PRKCA: variants seen among roughly 807,000 people sequenced by gnomAD.
PRKCA encodes protein kinase C alpha.
A neutral mutation model predicts 87.0 loss-of-function variants in PRKCA; 27 were observed. The observed-to-expected ratio is 0.31, with a 90% CI of 0.23 to 0.43. PRKCA has a LOEUF of 0.43. PRKCA is among the 20% of genes least tolerant of loss of function. PRKCA has a pLI of 1.00. For missense variants in PRKCA, 518 were observed against 852.3 expected, an observed-to-expected ratio of 0.61 and a Z score of 4.88; for synonymous variants, 329 against 311.1, an observed-to-expected ratio of 1.06 and a Z score of -0.61.
intron 5 of PRKCA, among the ~76,000 whole-genome samples, chr17:66,671,510 C>T (rs1371754363): frequency 6.6e-6 from 1 of 152,096 alleles, no homozygotes; most frequent in Admixed American, 6.5e-5. Flanking sequence ...TTATCAGGTA[C>T]GTACTTGTGG....
chr17:66,447,944 T>C (rs1340028298), intron 2 of PRKCA, among the ~76,000 whole-genome samples: 2 of 152,210 alleles, frequency 1.3e-5, no homozygotes, highest in African/African-American at 4.8e-5. Flanking sequence ...GGACCCTTTT[T>C]GTCGTGTAGT....
chr17:66,774,618 CAAAA>C (rs1436981964), intron 14 of PRKCA: 1 of 986,746 alleles, frequency 1.0e-6, no homozygotes, highest in African/African-American at 1.7e-5. Context: ...GAGACGGTCT[CAAAA>C]AAGAAAAAAA....
At chr17:66,575,409 A>T (rs920629039) in intron 3 of PRKCA, among the ~76,000 whole-genome samples, 1 of 152,142 alleles carries the variant, frequency 6.6e-6, no homozygotes, top group South Asian at 2.1e-4. Context: ...GTGAAACCCC[A>T]TCTCTACTAA....
intron 3 of PRKCA, among the ~76,000 whole-genome samples, chr17:66,506,974 A>C (rs1208306465): frequency 6.6e-6 from 1 of 152,220 alleles, no homozygotes; most frequent in Non-Finnish European, 1.5e-5. Flanking sequence ...GGAAGCCCAG[A>C]GTTGGAAGAT....
chr17:66,736,891 T>C (rs1974043586), intron 10 of PRKCA, among the ~76,000 whole-genome samples: 1 of 152,110 alleles, frequency 6.6e-6, no homozygotes, highest in Admixed American at 6.5e-5. Flanking sequence ...GAAGGCAGAG[T>C]TGAGTTGCTG....
intron 4 of PRKCA, 94 bp downstream of exon 4, chr17:66,641,560 A>C (rs1003266710): frequency 4.0e-6 from 3 of 746,556 alleles, no homozygotes; most frequent in Non-Finnish European, 6.7e-6. Context: ...TTTCAACACC[A>C]ACTCTTCAGT....
At chr17:66,575,574 G>A (rs1003294735) in intron 3 of PRKCA, among the ~76,000 whole-genome samples, 5 of 151,918 alleles carry the variant, frequency 3.3e-5, no homozygotes, top group African/African-American at 1.2e-4. Context: ...GAGCGAAACT[G>A]TCTTAAAAAA....
At chr17:66,371,055 G>T (rs763884384) in intron 2 of PRKCA, among the ~76,000 whole-genome samples, 3 of 152,142 alleles carry the variant, frequency 2.0e-5, no homozygotes, top group Non-Finnish European at 4.4e-5. Context: ...ACAAATTTGG[G>T]ATTATATCTG....
At chr17:66,761,705 T>G (rs886103024) in intron 13 of PRKCA, among the ~76,000 whole-genome samples, 2 of 152,098 alleles carry the variant, frequency 1.3e-5, no homozygotes, top group Non-Finnish European at 2.9e-5. Context: ...ATTACAAATG[T>G]GAGCCACTGT....
intron 3 of PRKCA, among the ~76,000 whole-genome samples, chr17:66,523,442 T>C (rs1392764294): frequency 3.9e-5 from 6 of 152,180 alleles, no homozygotes; most frequent in Admixed American, 6.5e-5. Context: ...ACAGTTTGTC[T>C]GTGGGCAGAA....
chr17:66,411,258 T>TA lies in PRKCA; in HGVS notation c.206-84941dup, dbSNP rs35433168. Among the ~76,000 whole-genome samples the TA allele has an allele frequency of 3.4e-5, 5 of 147,436 alleles. No individual in the cohort carries two copies. In the South Asian group the frequency reaches 6.7e-4, roughly 20 times the overall value. Reference sequence around the variant, plus strand: ...AACATCTGGCTTTTTTTTTTTTTTTTAAGATAGATTCTTTCTATGTTATCC... The same window carrying TA: ...AACATCTGGCTTTTTTTTTTTTTTTTAAAGATAGATTCTTTCTATGTTATCC... On this transcript the variant is annotated intron_variant, in intron 2 of 16. Transcript: ENST00000413366.
At chr17:66,546,714 G>A (rs116596925) in intron 3 of PRKCA, among the ~76,000 whole-genome samples, 2,661 of 152,188 alleles carry the variant, frequency 0.017, 68 homozygotes, top group African/African-American at 0.057. Context: ...TCCAAATAAC[G>A]TCACATTCAC....
chr17:66,522,419 CG>C (rs1340549485), intron 3 of PRKCA, among the ~76,000 whole-genome samples: 5 of 151,980 alleles, frequency 3.3e-5, no homozygotes, highest in Non-Finnish European at 5.9e-5. Flanking sequence ...TTGGCAGGAC[CG>C]AAAGGAGAGA....
chr17:66,479,343 G>C (rs889725907), intron 2 of PRKCA, among the ~76,000 whole-genome samples: 2 of 152,076 alleles, frequency 1.3e-5, no homozygotes, highest in African/African-American at 4.8e-5. Context: ...TTACTAAAAA[G>C]TCAAAAAATA....
chr17:66,355,576 C>T (rs577001024), intron 2 of PRKCA, among the ~76,000 whole-genome samples: 43 of 152,100 alleles, frequency 2.8e-4, no homozygotes, highest in Non-Finnish European at 5.0e-4. Context: ...ATCATCATTT[C>T]GACTTTTGAG....
chr17:66,443,446 C>T lies in PRKCA; in HGVS notation c.206-52755C>T, dbSNP rs1383865242. Among the ~76,000 whole-genome samples, 4 of 152,156 alleles carry T rather than the reference C, an allele frequency of 2.6e-5. No homozygotes were observed. The East Asian group carries it at 7.7e-4, about 29-fold the overall frequency. ...ATGTCGTTGTGTATTAAACAGGAAG[C>T]CCGTTTGCTCTGGCTGTAGAGTGTG... On this transcript the variant is annotated intron_variant, in intron 2 of 16. Coordinates refer to ENST00000413366, the MANE Select transcript of PRKCA (RefSeq NM_002737.3).
At chr17:66,767,233 G>C (rs971224556) in intron 13 of PRKCA, among the ~76,000 whole-genome samples, 5 of 152,134 alleles carry the variant, frequency 3.3e-5, no homozygotes, top group African/African-American at 9.7e-5. Context: ...GACTTCAAGT[G>C]AAATGATGTA....
At chr17:66,766,870 G>A (rs962098266) in intron 13 of PRKCA, among the ~76,000 whole-genome samples, 1 of 151,832 alleles carries the variant, frequency 6.6e-6, no homozygotes, top group Non-Finnish European at 1.5e-5. Context: ...AGATGGTGGG[G>A]ACTGGCTTTA....
intron 4 of PRKCA, 74 bp from the exon 5 acceptor site, chr17:66,645,309 C>G: frequency 6.2e-7 from 1 of 1,600,274 alleles, no homozygotes. Flanking sequence ...CACTTGTGCT[C>G]ATGCACCAAA....
Sources: gnomAD v4.1 joint callset for allele counts (sites outside exome capture counted in the v4.1 genomes callset) on GRCh38, gnomAD v4.1.1 for gene constraint, MANE v1.5 for transcripts, NCBI Gene and HGNC (gene_info 2026-07-23, HGNC 2026-07-21) for gene names.